ADK: variants seen among roughly 807,000 people sequenced by gnomAD.
ADK encodes the protein adenosine kinase, also known as N6,N6-dimethyladenosine kinase.
In ADK, 24 loss-of-function variants were observed where a neutral mutation model predicts 44.7. That is an observed-to-expected ratio of 0.54 (90% CI 0.39 to 0.76). ADK has a LOEUF of 0.76. Ranked by LOEUF, ADK falls within the 30% of genes least tolerant of loss-of-function variation. ADK has a pLI of 0.00. For synonymous variants in ADK, 128 were observed against 142.6 expected, an observed-to-expected ratio of 0.90 and a Z score of 0.73; for missense variants, 321 against 425.1, an observed-to-expected ratio of 0.76 and a Z score of 2.15.
intron 8 of ADK, among the ~76,000 whole-genome samples, chr10:74,591,835 G>T (rs1288038163): frequency 6.6e-6 from 1 of 152,072 alleles, no homozygotes; most frequent in Admixed American, 6.6e-5. Flanking sequence ...CAGTGCCGCT[G>T]TCCTACCCTC....
At chr10:74,216,594 G>A (rs1248576724) in intron 2 of ADK, among the ~76,000 whole-genome samples, 1 of 151,806 alleles carries the variant, frequency 6.6e-6, no homozygotes, top group African/African-American at 2.4e-5. Context: ...GCGTGGGGGT[G>A]CATGCCTGTA....
intron 4 of ADK, among the ~76,000 whole-genome samples, chr10:74,354,451 C>T (rs867826746): frequency 9.9e-5 from 15 of 152,144 alleles, no homozygotes; most frequent in African/African-American, 3.6e-4. Context: ...TTTATGAAGT[C>T]CTTAAATAAT....
At chr10:74,533,278 A>T (rs554640584) in intron 7 of ADK, among the ~76,000 whole-genome samples, 1 of 152,312 alleles carries the variant, frequency 6.6e-6, no homozygotes, top group Non-Finnish European at 1.5e-5. Context: ...AGTTTTTTTT[A>T]AAGTCAAGTT....
chr10:74,168,042 T>C (rs1842075526), intron 1 of ADK, among the ~76,000 whole-genome samples: 1 of 152,244 alleles, frequency 6.6e-6, no homozygotes, highest in African/African-American at 2.4e-5. Flanking sequence ...TTCTCTACAT[T>C]GATCTGCTGG....
chr10:74,364,639 T>C (rs1287307001), intron 4 of ADK, among the ~76,000 whole-genome samples: 1 of 151,908 alleles, frequency 6.6e-6, no homozygotes, highest in Non-Finnish European at 1.5e-5. Context: ...CTCTTACAGC[T>C]CTTCTAATGT....
At chr10:74,579,244 A>C (rs890237289) in intron 7 of ADK, among the ~76,000 whole-genome samples, 3 of 152,094 alleles carry the variant, frequency 2.0e-5, no homozygotes, top group African/African-American at 7.2e-5. Flanking sequence ...AAAAAAAAAA[A>C]AAAAGTGAAG....
intron 7 of ADK, among the ~76,000 whole-genome samples, chr10:74,525,962 TA>T (rs1410847212): frequency 6.6e-6 from 1 of 152,062 alleles, no homozygotes; most frequent in Non-Finnish European, 1.5e-5. Context: ...GCCCAACATT[TA>T]TTTTTTTAAG....
rs146653892 is a variant in ADK, at chr10:74,250,085, C to G, written c.194+25494C>G. 2.2e-3 allele frequency among the ~76,000 whole-genome samples: 331 copies of G among 152,292 alleles called. 2 individuals are homozygous for G. The highest frequency in any genetic ancestry group is 7.5e-3 in the African/African-American group (313 of 41,564). On this transcript the variant is annotated intron_variant, in intron 3 of 10. Transcript: ENST00000539909. ...TACCAGTTGTTACTGAATGCTTACT[C>G]TATGTACTAGAAATGCAGAGATGAG...
intron 7 of ADK, chr10:74,529,164 T>A (rs529125354): frequency 6.6e-6 from 1 of 152,216 alleles, no homozygotes; most frequent in South Asian, 2.1e-4. Flanking sequence ...TACAATGGAG[T>A]ATTATTTAGC....
At chr10:74,170,475 G>T (rs539994881) in intron 1 of ADK, among the ~76,000 whole-genome samples, 2 of 152,218 alleles carry the variant, frequency 1.3e-5, no homozygotes, top group South Asian at 4.1e-4. Flanking sequence ...AAAAGGGCAG[G>T]AGTAAGTTTT....
At chr10:74,220,816 A>G (rs1844276033) in intron 2 of ADK, among the ~76,000 whole-genome samples, 1 of 152,170 alleles carries the variant, frequency 6.6e-6, no homozygotes, top group Non-Finnish European at 1.5e-5. Flanking sequence ...ACAAAATTTA[A>G]CAACCCTTCA....
intron 10 of ADK, among the ~76,000 whole-genome samples, chr10:74,673,764 G>A (rs773422164): frequency 6.6e-6 from 1 of 152,194 alleles, no homozygotes; most frequent in Non-Finnish European, 1.5e-5. Flanking sequence ...ACACAAACGA[G>A]TTGGAGATGG....
intron 6 of ADK, among the ~76,000 whole-genome samples, chr10:74,459,825 T>G (rs1333313066): frequency 6.6e-6 from 1 of 151,990 alleles, no homozygotes; most frequent in African/African-American, 2.4e-5. Context: ...AAATAAGGCA[T>G]TATTTTTTTT....
chr10:74,401,179 A>G (rs1357861568), intron 6 of ADK, among the ~76,000 whole-genome samples: 3 of 152,186 alleles, frequency 2.0e-5, no homozygotes, highest in Non-Finnish European at 2.9e-5. Flanking sequence ...TTTTGAAAAC[A>G]TAAGTCTCAG....
chr10:74,247,224 G>GTTTTTTTTTTT (rs142274121), intron 3 of ADK, among the ~76,000 whole-genome samples: 28 of 72,008 alleles, frequency 3.9e-4, no homozygotes, highest in Non-Finnish European at 4.9e-4. Flanking sequence ...TTTTTTTTAA[G>GTTTTTTTTTTT]TTTTTTTTTT....
intron 2 of ADK, among the ~76,000 whole-genome samples, chr10:74,217,729 T>G (rs1383781865): frequency 6.6e-6 from 1 of 152,190 alleles, no homozygotes; most frequent in Non-Finnish European, 1.5e-5. Context: ...ACCACTGTTC[T>G]GCAGCCACCG....
At chr10:74,247,086 A>G (rs1374792950) in intron 3 of ADK, among the ~76,000 whole-genome samples, 1 of 151,866 alleles carries the variant, frequency 6.6e-6, no homozygotes, top group Non-Finnish European at 1.5e-5. Context: ...TATGATCCTA[A>G]TTCTTTATCC....
At chr10:74,705,567 GT>G (rs1293729260) in intron 10 of ADK, among the ~76,000 whole-genome samples, 6 of 152,154 alleles carry the variant, frequency 3.9e-5, no homozygotes, top group Non-Finnish European at 8.8e-5. Context: ...ATTGTTTCCA[GT>G]TTGGGGCTAT....
chr10:74,474,591 T>G, intron 6 of ADK, among the ~76,000 whole-genome samples: 1 of 151,276 alleles, frequency 6.6e-6, no homozygotes, highest in African/African-American at 2.4e-5. Context: ...TCATCCAGGC[T>G]GGAGTGCAGT....
Sources: gnomAD v4.1 joint callset for allele counts (sites outside exome capture counted in the v4.1 genomes callset) on GRCh38, gnomAD v4.1.1 for gene constraint, MANE v1.5 for transcripts, NCBI Gene and HGNC (gene_info 2026-07-23, HGNC 2026-07-21) for gene names.